The following PDZD2 variants were observed in gnomAD, a reference collection of about 807,000 sequenced individuals.
The protein encoded by PDZD2 is PDZ domain containing 2.
A neutral mutation model predicts 220.7 loss-of-function variants in PDZD2; 90 were observed. That is an observed-to-expected ratio of 0.41 (90% CI 0.34 to 0.49). The LOEUF (loss-of-function observed/expected upper bound fraction) is 0.49, where lower values mean the gene tolerates loss of function less well. PDZD2 is among the 20% of genes least tolerant of loss of function. PDZD2 has a pLI of 0.28. For synonymous variants in PDZD2, 1,375 were observed against 1,450.5 expected (o/e 0.95, Z 1.18); for missense variants, 3,174 against 3,608.5 (o/e 0.88, Z 3.08).
chr5:32,031,225 C>G lies in PDZD2; in HGVS notation c.1408-6006C>G, dbSNP rs532563838. On this transcript the variant is annotated intron_variant, in intron 6 of 24. Coordinates refer to ENST00000438447, the MANE Select transcript of PDZD2 (RefSeq NM_178140.4). The stretch of plus-strand genomic sequence containing the variant: ...CTTTAAGATAGGAACCGTCAAGAGT[C>G]TTTTCCATACATCACTGTGCTCTGG... 2.0e-5 allele frequency among the ~76,000 whole-genome samples: 3 copies of G among 152,290 alleles called. No individual in the cohort carries two copies. In the East Asian group the frequency reaches 5.8e-4, roughly 29 times the overall value.
chr5:31,795,193 T>TAGG (rs759387053), intron 1 of PDZD2, among the ~76,000 whole-genome samples: 7 of 152,062 alleles, frequency 4.6e-5, no homozygotes, highest in Non-Finnish European at 1.0e-4. Context: ...CGAGCTTTGG[T>TAGG]AGGAGGAGGA....
intron 2 of PDZD2, among the ~76,000 whole-genome samples, chr5:31,961,633 A>T (rs1022363285): frequency 6.6e-6 from 1 of 151,738 alleles, no homozygotes. Flanking sequence ...TCTTCCTCTC[A>T]GTTGCTTTGT....
chr5:31,932,953 C>G (rs956915004), intron 2 of PDZD2, among the ~76,000 whole-genome samples: 2 of 151,532 alleles, frequency 1.3e-5, no homozygotes, highest in African/African-American at 4.9e-5. Context: ...TCTTGTTGCC[C>G]AGGCTGGAGT....
At chr5:32,078,946 G>A (rs1353897707) in intron 19 of PDZD2, among the ~76,000 whole-genome samples, 3 of 152,026 alleles carry the variant, frequency 2.0e-5, no homozygotes, top group African/African-American at 7.2e-5. Flanking sequence ...CCTTGTTAGT[G>A]GAGACCTTTA....
At chr5:32,003,201 C>CCT (rs1752443656) in intron 5 of PDZD2, among the ~76,000 whole-genome samples, 1 of 100,418 alleles carries the variant, frequency 1.0e-5, no homozygotes, top group Non-Finnish European at 1.9e-5. Flanking sequence ...ACTACACACA[C>CCT]CACACACATC....
chr5:32,036,516 G>T (rs1755570250), intron 6 of PDZD2, among the ~76,000 whole-genome samples: 1 of 152,104 alleles, frequency 6.6e-6, no homozygotes, highest in African/African-American at 2.4e-5. Flanking sequence ...TTTTTAGCAT[G>T]TTGGGTTTCT....
At chr5:31,862,767 G>A (rs892379841) in intron 2 of PDZD2, among the ~76,000 whole-genome samples, 9 of 150,454 alleles carry the variant, frequency 6.0e-5, no homozygotes, top group South Asian at 2.1e-4. Context: ...TTGCTCTTTC[G>A]CCCAGGCTGG....
chr5:31,831,632 C>T (rs1479210773), intron 2 of PDZD2, among the ~76,000 whole-genome samples: 1 of 151,938 alleles, frequency 6.6e-6, no homozygotes, highest in African/African-American at 2.4e-5. Context: ...CCTGTAGTCC[C>T]AGCTACTTGG....
intron 6 of PDZD2, among the ~76,000 whole-genome samples, chr5:32,026,557 GCACACA>G (rs139271161): frequency 2.0e-5 from 3 of 150,932 alleles, no homozygotes; most frequent in Admixed American, 6.6e-5. Context: ...GTGCACGCAC[GCACACA>G]CACACACACA....
At chr5:31,961,465 G>A (rs1055314931) in intron 2 of PDZD2, among the ~76,000 whole-genome samples, 1 of 152,032 alleles carries the variant, frequency 6.6e-6, no homozygotes, top group Non-Finnish European at 1.5e-5. Context: ...AGCTCAGGAG[G>A]TCGAGGCTGC....
At chr5:31,767,027 C>CTTT (rs3032828) in intron 1 of PDZD2, among the ~76,000 whole-genome samples, 2 of 94,296 alleles carry the variant, frequency 2.1e-5, no homozygotes, top group African/African-American at 4.9e-5. Flanking sequence ...TGCACCCAGC[C>CTTT]TTTTTTTTTT....
chr5:31,763,865 C>G (rs1751810181), intron 1 of PDZD2, among the ~76,000 whole-genome samples: 1 of 107,952 alleles, frequency 9.3e-6, no homozygotes, highest in Admixed American at 9.8e-5. Flanking sequence ...AGGGAGCCCT[C>G]TGATTAAAAA....
At chr5:31,995,394 A>G (rs1311813236) in intron 3 of PDZD2, among the ~76,000 whole-genome samples, 182 bp from the exon 4 acceptor site, 3 of 152,216 alleles carry the variant, frequency 2.0e-5, no homozygotes, top group East Asian at 1.9e-4. Context: ...AGAAAGTTCT[A>G]TTGGACAGCA....
At chr5:31,712,818 C>T (rs1482325818) in intron 1 of PDZD2, among the ~76,000 whole-genome samples, 1 of 152,116 alleles carries the variant, frequency 6.6e-6, no homozygotes, top group African/African-American at 2.4e-5. Context: ...GATTTGGAGC[C>T]TGGGGTCGCG....
chr5:31,957,632 G>A (rs1194231668), intron 2 of PDZD2, among the ~76,000 whole-genome samples: 2 of 152,116 alleles, frequency 1.3e-5, no homozygotes, highest in Non-Finnish European at 2.9e-5. Flanking sequence ...CCCATTATAT[G>A]GCCTTAAGTG....
intron 1 of PDZD2, among the ~76,000 whole-genome samples, chr5:31,789,967 C>T (rs1049176956): frequency 3.3e-5 from 5 of 152,136 alleles, no homozygotes; most frequent in African/African-American, 7.2e-5. Flanking sequence ...TGGAAAATAT[C>T]GTGGTCACTG....
chr5:32,102,972 A>T (rs1744396894), intron 24 of PDZD2, among the ~76,000 whole-genome samples: 1 of 152,210 alleles, frequency 6.6e-6, no homozygotes, highest in Non-Finnish European at 1.5e-5. Flanking sequence ...TTTTTAAATT[A>T]ATGAGTAAAA....
At chr5:32,061,464 C>T (rs11955676) in intron 14 of PDZD2, among the ~76,000 whole-genome samples, 37,587 of 152,086 alleles carry the variant, frequency 0.25, 5,642 homozygotes, top group Non-Finnish European at 0.34. Flanking sequence ...TTGGACTGGA[C>T]GATCTCTATG....
At chr5:31,908,454 G>T in intron 2 of PDZD2, 2 of 706,016 alleles carry the variant, frequency 2.8e-6, no homozygotes, top group Non-Finnish European at 2.3e-6. Flanking sequence ...TGGAGGCGAA[G>T]ATGGTCTGTA....
Sources: allele counts gnomAD v4.1 joint callset (sites outside exome capture counted in the v4.1 genomes callset), GRCh38; gene constraint gnomAD v4.1.1; transcripts MANE v1.5; gene names NCBI Gene and HGNC (gene_info 2026-07-23, HGNC 2026-07-21).